Variants in AGBL3 observed in about 807,000 individuals in gnomAD.
AGBL3 encodes the protein AGBL carboxypeptidase 3.
A neutral mutation model predicts 94.5 loss-of-function variants in AGBL3; 68 were observed. The observed-to-expected ratio is 0.72, with a 90% CI of 0.59 to 0.88. AGBL3 has a LOEUF of 0.88. Ranked by LOEUF, AGBL3 falls within the 40% of genes least tolerant of loss-of-function variation. The probability of loss-of-function intolerance (pLI) is 0.00; values close to 1 mark genes in which losing one functional copy is unlikely to be tolerated. For synonymous variants in AGBL3, 354 were observed against 370.7 expected, an observed-to-expected ratio of 0.95 and a Z score of 0.52; for missense variants, 934 against 1,103.8, an observed-to-expected ratio of 0.85 and a Z score of 2.18.
Position 135,115,557 on chromosome 7 carries a change from C to T in AGBL3, c.2288C>T (p.Thr763Ile). The T allele has an allele frequency of 6.4e-7, 1 of 1,551,402 alleles. No individual in the cohort carries two copies. Among genetic ancestry groups the T allele is most frequent in the Non-Finnish European group, 8.7e-7 (1 of 1,146,828 alleles). ...GTGCATAGCACTAAAAACATGCAAA[C>T]CACTCAGATAAAACAGCTATTCAAT... is the stretch of plus-strand genomic sequence containing the variant. ...PIVHSTKNMQ[T>I]TQIKQLFNPR... is the part of the protein sequence containing the mutation. The change falls in exon 16 of 17, where the codon ACC becomes ATC. Residue 763 changes from threonine (T) to isoleucine (I), a missense_variant. By Grantham distance (89) the Thr-to-Ile change is moderately conservative. This residue lies in a region of AGBL3 where 441 missense variants were observed against 518.2 expected (regional missense o/e 0.85). Coordinates refer to ENST00000436302, the MANE Select transcript of AGBL3 (RefSeq NM_178563.4).
At chr7:135,122,708 C>T (rs995851896) in intron 16 of AGBL3, among the ~76,000 whole-genome samples, 1 of 152,160 alleles carries the variant, frequency 6.6e-6, no homozygotes, top group Non-Finnish European at 1.5e-5. Context: ...TATTCTCCAG[C>T]CTCCTTGAGT....
At chr7:135,083,510 T>G (rs903561261) in intron 15 of AGBL3, among the ~76,000 whole-genome samples, 4 of 152,196 alleles carry the variant, frequency 2.6e-5, no homozygotes, top group Non-Finnish European at 5.9e-5. Context: ...CTATCTTTTT[T>G]CCCATTATCC....
rs573340774 is a variant in AGBL3 at position 135,096,935 on chromosome 7, T to C, written c.2110+15145T>C. ...GGATTGTGCATTATAAAGGAAAGGA[T>C]GTGAAAGCACATATGAAGACTGAAT... On this transcript the variant is annotated intron_variant, in intron 15 of 16. Transcript: ENST00000436302. Among the ~76,000 whole-genome samples, 3 of 152,262 alleles carry C rather than the reference T, an allele frequency of 2.0e-5. No individual in the cohort carries two copies. The East Asian group carries it at 5.8e-4, about 29-fold the overall frequency.
rs1816121390 is a variant in AGBL3 at position 135,034,682 on chromosome 7, A to G, written c.1091A>G (p.His364Arg). 1 of 1,551,378 alleles carries G rather than the reference A, an allele frequency of 6.4e-7. No homozygotes were observed. The highest frequency in any genetic ancestry group is 1.4e-5 in the African/African-American group (1 of 73,162). The change falls in exon 7 of 17, where the codon CAT (histidine) becomes CGT (arginine). Residue 364 changes from histidine to arginine, a missense_variant. This residue lies in a region of AGBL3 where 488 missense variants were observed against 563.6 expected (regional missense o/e 0.87). Coordinates refer to ENST00000436302, the MANE Select transcript of AGBL3 (RefSeq NM_178563.4). ...GCTGTGATTCTGACTGCAAGGGTCC[A>G]TCCAGGGGAAACCAACAGCTCTTGG... is the stretch of plus-strand genomic sequence containing the variant. ...RKAVILTARVHPGETNSSWIM... is the reference protein window; with the variant it reads ...RKAVILTARVRPGETNSSWIM...
intron 15 of AGBL3, among the ~76,000 whole-genome samples, chr7:135,087,189 C>T (rs1292265779): frequency 2.6e-5 from 4 of 151,700 alleles, no homozygotes; most frequent in Non-Finnish European, 4.4e-5. Flanking sequence ...TCAGTTGTAA[C>T]GTCTTTTTCA....
In AGBL3 at chr7:135,135,034, G is replaced by T; in HGVS notation, c.2536G>T (p.Ala846Ser). The change falls in exon 17 of 17, where the codon GCC becomes TCC. Residue 846 changes from alanine (A) to serine (S), a missense_variant. Physicochemically the swap from Ala to Ser is moderately conservative, Grantham distance 99. Around this residue, in one of 3 missense-constraint regions of AGBL3, gnomAD observed 441 missense variants for 518.2 expected, o/e 0.85. Transcript: ENST00000436302. ...GAAGAATAAACATTCTCAAATCTGG[G>T]CCATAAAGAATGAAGACATAAAACC... Reference protein sequence around the residue: ...PKKNKHSQIWAIKNEDIKPLS... With the variant: ...PKKNKHSQIWSIKNEDIKPLS... 1.9e-6 allele frequency: 3 copies of T among 1,551,158 alleles called. No homozygotes were observed. The highest frequency in any genetic ancestry group is 1.7e-6 in the Non-Finnish European group (2 of 1,146,644).
In AGBL3 at chr7:135,086,675, G is replaced by A. The variant is rs1313619845; in HGVS notation, c.2110+4885G>A. On this transcript the variant is annotated intron_variant, in intron 15 of 16. Coordinates refer to ENST00000436302, the MANE Select transcript of AGBL3 (RefSeq NM_178563.4). ...TATTGATTCATCCTTGCATCCCTCG[G>A]ATGAATCCCACTTGATCATGGTGAA... Among the ~76,000 whole-genome samples the A allele has an allele frequency of 3.3e-5, 5 of 151,934 alleles. No homozygotes were observed. In the South Asian group the frequency reaches 8.3e-4, roughly 25 times the overall value.
At chr7:135,052,468 T>C (rs1031451957) in intron 11 of AGBL3, among the ~76,000 whole-genome samples, 1 of 152,172 alleles carries the variant, frequency 6.6e-6, no homozygotes, top group South Asian at 2.1e-4. Flanking sequence ...GTGGGCTTGT[T>C]ACACGTATTT....
At chr7:135,107,666 T>C (rs1986359) in intron 15 of AGBL3, among the ~76,000 whole-genome samples, 36,196 of 152,172 alleles carry the variant, frequency 0.24, 5,352 homozygotes, top group South Asian at 0.42. Context: ...ATGTACCATA[T>C]GGCAATGAGA....
intron 16 of AGBL3, among the ~76,000 whole-genome samples, chr7:135,117,770 G>A (rs946666630): frequency 7.2e-5 from 11 of 152,128 alleles, no homozygotes; most frequent in Admixed American, 3.9e-4. Flanking sequence ...ACTTTTGGGG[G>A]TGTCTACCTC....
chr7:135,134,237 TA>T (rs1829173764), intron 16 of AGBL3, among the ~76,000 whole-genome samples: 1 of 152,084 alleles, frequency 6.6e-6, no homozygotes, highest in African/African-American at 2.4e-5. Flanking sequence ...CTCTCTGTAT[TA>T]CTTCTCTCAA....
intron 4 of AGBL3, 29 bp downstream of exon 4, chr7:134,993,707 G>A: frequency 6.8e-7 from 1 of 1,466,490 alleles, no homozygotes; most frequent in Non-Finnish European, 9.1e-7. Context: ...GGGGGATTCA[G>A]ACATTAGCAA....
chr7:135,081,180 TTAAAAA>T (rs1408179682), intron 14 of AGBL3, among the ~76,000 whole-genome samples: 1 of 152,082 alleles, frequency 6.6e-6, no homozygotes, highest in Non-Finnish European at 1.5e-5. Context: ...ATGTCAAAAA[TTAAAAA>T]TAAAGATAAG....
chr7:135,007,066 C>G (rs768116677), intron 4 of AGBL3, among the ~76,000 whole-genome samples: 10 of 151,238 alleles, frequency 6.6e-5, no homozygotes, highest in East Asian at 2.0e-4. Flanking sequence ...GTCGCTTAAA[C>G]CCAAATAGCT....
At chr7:135,000,193 C>T (rs544119135) in intron 4 of AGBL3, among the ~76,000 whole-genome samples, 9 of 152,320 alleles carry the variant, frequency 5.9e-5, no homozygotes, top group South Asian at 2.1e-4. Context: ...TCAGCTTTCA[C>T]GGTTATATGT....
chr7:135,096,584 C>CATAGATAGATACATAG (rs1822814229), intron 15 of AGBL3, among the ~76,000 whole-genome samples: 18 of 88,860 alleles, frequency 2.0e-4, no homozygotes, highest in Admixed American at 1.1e-3. Flanking sequence ...TAGATAGATA[C>CATAGATAGATACATAG]ATAGATAGAT....
intron 16 of AGBL3, among the ~76,000 whole-genome samples, chr7:135,130,109 G>A (rs938324513): frequency 7.9e-5 from 12 of 152,190 alleles, no homozygotes; most frequent in Admixed American, 7.9e-4. Context: ...CCTTACAACT[G>A]GGGTAGGTAG....
chr7:135,009,382 A>G (rs543693257), intron 4 of AGBL3, among the ~76,000 whole-genome samples: 7 of 152,350 alleles, frequency 4.6e-5, no homozygotes, highest in Admixed American at 4.6e-4. Flanking sequence ...GACACAAAAG[A>G]ACAAATAATA....
chr7:135,123,698 G>A (rs1193580858), intron 16 of AGBL3, among the ~76,000 whole-genome samples: 3 of 152,152 alleles, frequency 2.0e-5, no homozygotes, highest in African/African-American at 7.2e-5. Context: ...GGCCCTCTCA[G>A]CAGAAACTCT....
Sources: gnomAD v4.1 joint callset for allele counts (sites outside exome capture counted in the v4.1 genomes callset) on GRCh38, gnomAD v4.1.1 for gene constraint, gnomAD v4.1.1 regional missense constraint, MANE v1.5 for transcripts, NCBI Gene and HGNC (gene_info 2026-07-23, HGNC 2026-07-21) for gene names.